The following THSD7A variants were observed in gnomAD, a reference collection of about 807,000 sequenced individuals.
The protein encoded by THSD7A is thrombospondin type 1 domain containing 7A.
In THSD7A, 96 loss-of-function variants were observed where a neutral mutation model predicts 231.3. That is an observed-to-expected ratio of 0.41 (90% CI 0.35 to 0.49). The LOEUF is 0.49. Among genes scored for constraint, THSD7A ranks in the 20% least tolerant of loss-of-function variants. The pLI, the probability that THSD7A is intolerant of heterozygous loss-of-function variation, is 0.05. For missense variants in THSD7A, 2,290 were observed against 2,070.2 expected, an observed-to-expected ratio of 1.11 and a Z score of -2.06; for synonymous variants, 940 against 743.3, an observed-to-expected ratio of 1.26 and a Z score of -4.30.
At chr7:11,584,633 C>T (rs1405628634) in intron 4 of THSD7A, among the ~76,000 whole-genome samples, 2 of 152,074 alleles carry the variant, frequency 1.3e-5, no homozygotes, top group East Asian at 3.9e-4. Context: ...AACCAGGTTT[C>T]CTGATTCCTA....
chr7:11,507,595 ATG>A (rs144654684), intron 6 of THSD7A, among the ~76,000 whole-genome samples: 6 of 135,152 alleles, frequency 4.4e-5, no homozygotes, highest in African/African-American at 1.5e-4. Context: ...CCATGAAATA[ATG>A]TGTGTTTTTT....
intron 4 of THSD7A, among the ~76,000 whole-genome samples, chr7:11,559,816 A>C (rs1448438898): frequency 6.6e-6 from 1 of 152,204 alleles, no homozygotes. Context: ...TGGAGAAGAC[A>C]TAAAGCAGCT....
intron 1 of THSD7A, among the ~76,000 whole-genome samples, chr7:11,664,992 T>C (rs919320232): frequency 7.9e-5 from 12 of 152,066 alleles, no homozygotes; most frequent in Non-Finnish European, 1.6e-4. Flanking sequence ...TTACTTGTTA[T>C]AGAATTTCAC....
intron 4 of THSD7A, among the ~76,000 whole-genome samples, chr7:11,574,172 G>C (rs1196225962): frequency 6.6e-6 from 1 of 152,100 alleles, no homozygotes; most frequent in Non-Finnish European, 1.5e-5. Context: ...TTATTACCCA[G>C]TTATTCTCTT....
chr7:11,535,545 C>T (rs1161449713), intron 6 of THSD7A, among the ~76,000 whole-genome samples: 1 of 151,462 alleles, frequency 6.6e-6, no homozygotes, highest in Non-Finnish European at 1.5e-5. Flanking sequence ...TTAGACGATC[C>T]TAATTGTAAG....
In THSD7A at chr7:11,831,375, A is replaced by T. The variant is rs1053638105; in HGVS notation, c.190+382T>A. ...ATCCACAAATGTCATGACAGTGAGC[A>T]TATTGCTTTGCCTAAAGAATAAAGA... On this transcript the variant is annotated intron_variant, in intron 1 of 27. Transcript: ENST00000423059. The surrounding 1 kb of genome is among the most constrained non-coding windows in gnomAD (Gnocchi z 5.0). 6.6e-6 allele frequency among the ~76,000 whole-genome samples: 1 copy of T among 152,236 alleles called. No homozygotes were observed. Among genetic ancestry groups the T allele is most frequent in the African/African-American group, 2.4e-5 (1 of 41,460 alleles).
intron 2 of THSD7A, among the ~76,000 whole-genome samples, chr7:11,603,359 A>G (rs546753154): frequency 3.9e-5 from 6 of 152,124 alleles, no homozygotes; most frequent in African/African-American, 1.4e-4. Context: ...AATGGCAATC[A>G]TTAAAAAGTC....
intron 1 of THSD7A, among the ~76,000 whole-genome samples, chr7:11,675,843 G>A (rs183901811): frequency 6.0e-4 from 92 of 152,334 alleles, no homozygotes; most frequent in African/African-American, 2.2e-3. Flanking sequence ...TGCAGCTTCA[G>A]CTGACTTAAA....
At chr7:11,664,421 G>C (rs1310330123) in intron 1 of THSD7A, among the ~76,000 whole-genome samples, 1 of 151,860 alleles carries the variant, frequency 6.6e-6, no homozygotes, top group East Asian at 1.9e-4. Context: ...TTATGAAGAA[G>C]AAAAGAGAAC....
At chr7:11,556,385 A>G (rs1789845628) in intron 4 of THSD7A, among the ~76,000 whole-genome samples, 1 of 151,720 alleles carries the variant, frequency 6.6e-6, no homozygotes, top group Admixed American at 6.6e-5. Flanking sequence ...TAGTTCAACT[A>G]AAGTATAGAA....
Position 11,474,174 on chromosome 7 carries a change from T to TA in THSD7A, c.2252+159dup. On this transcript the variant is annotated intron_variant, in intron 8 of 27. Coordinates refer to ENST00000423059, the MANE Select transcript of THSD7A (RefSeq NM_015204.3). The surrounding 1 kb of genome is among the most constrained non-coding windows in gnomAD (Gnocchi z 4.1). ...CCCAGTATAAAACTCAAAGCTGTTATAGCTTTATCAGTGGCTGACTTTCAA... is the reference window on the plus strand; with the variant it reads ...CCCAGTATAAAACTCAAAGCTGTTATAAGCTTTATCAGTGGCTGACTTTCAA... Among the ~76,000 whole-genome samples, 1 of 152,320 alleles carries TA rather than the reference T, an allele frequency of 6.6e-6. No individual in the cohort carries two copies. The highest frequency in any genetic ancestry group is 6.5e-5 in the Admixed American group (1 of 15,292).
chr7:11,541,643 G>T lies in THSD7A; in HGVS notation c.1610-12C>A, dbSNP rs761214013. ...CCTCAGTTTGAAGCCTGAATTATGGGGGAAGGAAAAATCTATTGTTACTAT... is the reference window on the plus strand; with the variant it reads ...CCTCAGTTTGAAGCCTGAATTATGGTGGAAGGAAAAATCTATTGTTACTAT... On this transcript the variant is annotated splice_polypyrimidine_tract_variant and intron_variant, in intron 5 of 27. Transcript: ENST00000423059. 6.2e-7 allele frequency: 1 copy of T among 1,610,626 alleles called. No homozygotes were observed.
intron 5 of THSD7A, among the ~76,000 whole-genome samples, chr7:11,542,720 C>G (rs561805062): frequency 6.6e-6 from 1 of 152,206 alleles, no homozygotes; most frequent in African/African-American, 2.4e-5. Context: ...AACCATTGCA[C>G]TAAACTGTCT....
chr7:11,783,374 T>C (rs1465025006), intron 1 of THSD7A, among the ~76,000 whole-genome samples: 3 of 152,112 alleles, frequency 2.0e-5, no homozygotes, highest in Non-Finnish European at 1.5e-5. Context: ...AACAGAATGG[T>C]TGTGTAGATA....
chr7:11,739,757 G>C (rs1164532918), intron 1 of THSD7A, among the ~76,000 whole-genome samples: 1 of 151,732 alleles, frequency 6.6e-6, no homozygotes, highest in Admixed American at 6.6e-5. Flanking sequence ...TTCCTAACTG[G>C]TGTTTCTACT....
At chr7:11,445,320 AAG>A (rs1485929739) in intron 13 of THSD7A, among the ~76,000 whole-genome samples, 28 of 152,216 alleles carry the variant, frequency 1.8e-4, no homozygotes, top group African/African-American at 6.7e-4. Context: ...ATTAAAATAA[AAG>A]AAGACCAGAG....
intron 1 of THSD7A, among the ~76,000 whole-genome samples, chr7:11,789,947 G>C (rs974626885): frequency 6.6e-6 from 1 of 151,806 alleles, no homozygotes; most frequent in African/African-American, 2.4e-5. Context: ...CTGTCTTCTG[G>C]AGAAAGTAAT....
At chr7:11,778,877 C>T (rs1342490082) in intron 1 of THSD7A, among the ~76,000 whole-genome samples, 4 of 152,130 alleles carry the variant, frequency 2.6e-5, no homozygotes, top group African/African-American at 9.7e-5. Flanking sequence ...ATTTTCAACA[C>T]TGTGCAGACT....
intron 6 of THSD7A, among the ~76,000 whole-genome samples, chr7:11,485,948 C>T (rs1010216021): frequency 5.3e-5 from 8 of 152,174 alleles, no homozygotes; most frequent in Non-Finnish European, 1.2e-4. Context: ...TCAATGAATG[C>T]TTTAATCAAC....
Sources: allele counts gnomAD v4.1 joint callset (sites outside exome capture counted in the v4.1 genomes callset), GRCh38; gene constraint gnomAD v4.1.1; non-coding constraint Gnocchi (gnomAD v3.1); transcripts MANE v1.5; gene names NCBI Gene and HGNC (gene_info 2026-07-23, HGNC 2026-07-21).